GJA8: variants seen among roughly 807,000 people sequenced by gnomAD.
The protein encoded by GJA8 is gap junction protein alpha 8, also known as gap junction alpha-8 protein.
In GJA8, 13 loss-of-function variants were observed where a neutral mutation model predicts 15.3. That is an observed-to-expected ratio of 0.85 (90% CI 0.55 to 1.35). The LOEUF (loss-of-function observed/expected upper bound fraction) is 1.35. Ranked by LOEUF, GJA8 falls within the 40% of genes most tolerant of loss-of-function variation. The pLI is 0.00. For synonymous variants in GJA8, 304 were observed against 238.7 expected (o/e 1.27, Z -2.52); for missense variants, 607 against 553.3 (o/e 1.10, Z -0.97).
At chr1:147,907,610 GGT>G (rs1374681746) in intron 1 of GJA8, among the ~76,000 whole-genome samples, 3 of 152,058 alleles carry the variant, frequency 2.0e-5, no homozygotes, top group African/African-American at 7.2e-5. Context: ...TTCTATTTAT[GGT>G]CAACAATGAA....
chr1:147,902,951 A>G (rs1054258552), intron 1 of GJA8, among the ~76,000 whole-genome samples, 90 bp downstream of exon 1: 4 of 152,180 alleles, frequency 2.6e-5, no homozygotes, highest in Non-Finnish European at 5.9e-5. Flanking sequence ...AGGCTTCTCC[A>G]AAAGGAAAAA....
In GJA8 at chr1:147,908,922, T is replaced by A; in HGVS notation, c.967T>A (p.Tyr323Asn). Residue 323 changes from tyrosine (Y) to asparagine (N), a missense_variant, in exon 2 of 2, where the codon TAC becomes AAC. Physicochemically the swap from Tyr to Asn is moderately radical, Grantham distance 143 (BLOSUM62 -2). Transcript: ENST00000369235. ...SRGYQETLPS[Y>N]AQVGAQEVEG... Reference sequence around the variant, plus strand: ...GGGCTACCAAGAGACACTGCCTTCCTACGCTCAGGTGGGGGCACAAGAAGT... The same window carrying A: ...GGGCTACCAAGAGACACTGCCTTCCAACGCTCAGGTGGGGGCACAAGAAGT... 6.2e-7 allele frequency: 1 copy of A among 1,612,310 alleles called. No individual in the cohort carries two copies.
chr1:147,914,349 T>C, the GJA8 span, among the ~76,000 whole-genome samples: 2 of 152,194 alleles, frequency 1.3e-5, no homozygotes, highest in African/African-American at 4.8e-5. Flanking sequence ...ACAAACTTCC[T>C]GGGGAAATCT....
chr1:147,906,488 A>G (rs1435342202), intron 1 of GJA8, among the ~76,000 whole-genome samples: 2 of 152,052 alleles, frequency 1.3e-5, no homozygotes, highest in African/African-American at 4.8e-5. Context: ...CAAATTTTTG[A>G]CTCTATTAAA....
At position 147,908,218 on chromosome 1, in the gene GJA8, C is replaced by G. The variant is rs782199122; in HGVS notation, c.263C>G (p.Pro88Arg). Reference protein sequence around the residue: ...WVLQIIFVSTPSLMYVGHAVH... With the variant: ...WVLQIIFVSTRSLMYVGHAVH... ...CTGCAGATCATCTTCGTCTCCACCC[C>G]GTCCCTGATGTACGTGGGGCACGCG... The change falls in exon 2 of 2, where the codon CCG becomes CGG. Residue 88 changes from proline to arginine, a missense_variant. By Grantham distance (103) the Pro-to-Arg change is moderately radical. Coordinates refer to ENST00000369235, the MANE Select transcript of GJA8 (RefSeq NM_005267.5). 1.2e-6 allele frequency: 2 copies of G among 1,614,208 alleles called. No individual in the cohort carries two copies. The highest frequency in any genetic ancestry group is 1.7e-5 in the Admixed American group (1 of 60,030).
chr1:147,906,212 A>G (rs1651790423), intron 1 of GJA8, among the ~76,000 whole-genome samples: 1 of 152,270 alleles, frequency 6.6e-6, no homozygotes, highest in African/African-American at 2.4e-5. Flanking sequence ...AGAAGCCCAG[A>G]GCAAGATCCT....
chr1:147,908,375 G>T lies in GJA8; in HGVS notation c.420G>T (p.Lys140Asn). Reference protein sequence around the residue: ...KKSSGSKGTKKFRLEGTLLRT... With the variant: ...KKSSGSKGTKNFRLEGTLLRT... ...GCAGCGGCAGCAAAGGCACTAAGAA[G>T]TTCCGGCTGGAGGGGACCCTGCTGA... The change falls in exon 2 of 2, where the codon AAG becomes AAT. Residue 140 changes from lysine to asparagine, a missense_variant. By Grantham distance (94) the Lys-to-Asn change is moderately conservative (BLOSUM62 0). Coordinates refer to ENST00000369235, the MANE Select transcript of GJA8 (RefSeq NM_005267.5). 6.2e-7 allele frequency: 1 copy of T among 1,614,206 alleles called. No individual in the cohort carries two copies. The highest frequency in any genetic ancestry group is 8.5e-7 in the Non-Finnish European group (1 of 1,180,044).
chr1:147,910,158 C>G (rs1553243297), downstream of GJA8, among the ~76,000 whole-genome samples: 2 of 152,170 alleles, frequency 1.3e-5, no homozygotes, highest in Admixed American at 6.5e-5. Context: ...CCGTGCCTGG[C>G]CCATGAAATC....
chr1:147,908,120 C>T lies in GJA8; in HGVS notation c.165C>T (p.Asn55=). 1 of 1,614,252 alleles carries T rather than the reference C, an allele frequency of 6.2e-7. No homozygotes were observed. ...WGDEQSDFVC[N]TQQPGCENVC... is the part of the protein sequence containing the mutation. ...ATGAGCAATCCGACTTCGTGTGCAA[C>T]ACCCAGCAGCCTGGCTGCGAGAACG... The change falls in exon 2 of 2, where the codon AAC becomes AAT. Residue 55 remains asparagine (N), a synonymous_variant. Transcript: ENST00000369235.
intron 1 of GJA8, among the ~76,000 whole-genome samples, chr1:147,904,498 C>T (rs1467434878): frequency 6.6e-6 from 1 of 152,066 alleles, no homozygotes; most frequent in East Asian, 1.9e-4. Flanking sequence ...ATATGGACAC[C>T]CTGGGGTTGG....
At chr1:147,909,365 C>T (rs1380193398), downstream of GJA8, 2 of 872,338 alleles carry the variant, frequency 2.3e-6, no homozygotes, top group Admixed American at 4.2e-5. Context: ...TCCCACCAGC[C>T]TCTGGTTGGA....
chr1:147,902,931 G>A (rs1251216263), intron 1 of GJA8, among the ~76,000 whole-genome samples, 70 bp downstream of exon 1: 1 of 152,088 alleles, frequency 6.6e-6, no homozygotes, highest in African/African-American at 2.4e-5. Flanking sequence ...CTAATCTAAG[G>A]GCCATATATA....
chr1:147,912,895 TAA>T (rs782718322), downstream of GJA8, among the ~76,000 whole-genome samples: 3,232 of 118,904 alleles, frequency 0.027, 104 homozygotes, highest in African/African-American at 0.09. Flanking sequence ...GGGCATTATT[TAA>T]AAAAAAAAAA....
rs782505421 is a variant in GJA8, at chr1:147,909,000, A to G, written c.1045A>G (p.Lys349Glu). The G allele has an allele frequency of 2.1e-5, 34 of 1,593,812 alleles. No individual in the cohort carries two copies. In the Admixed American group the frequency reaches 2.7e-4, roughly 13 times the overall value. ...GGGAGCCGAACCCGAGGTGGGAGAG[A>G]AGAAGGAGGAAGCAGAGAGGCTGAC... The part of the protein sequence containing the change: ...EEGAEPEVGE[K>E]KEEAERLTTE... The change falls in exon 2 of 2, where the codon AAG becomes GAG. Residue 349 changes from lysine (K) to glutamate (E), a missense_variant. Transcript: ENST00000369235.
Position 147,908,528 on chromosome 1 carries a change from G to A in GJA8, c.573G>A (p.Val191=). 6.2e-7 allele frequency: 1 copy of A among 1,614,156 alleles called. No individual in the cohort carries two copies. The highest frequency in any genetic ancestry group is 8.5e-7 in the Non-Finnish European group (1 of 1,180,026). The change falls in exon 2 of 2, where the codon GTG becomes GTA. Residue 191 remains valine (V), a synonymous_variant. Transcript: ENST00000369235. ...GCAGCCGGTGGCCCTGCCCCAATGT[G>A]GTGGACTGCTTCGTGTCCCGGCCCA... ...YRCSRWPCPN[V]VDCFVSRPTE... is the part of the protein sequence containing the mutation.
intron 1 of GJA8, among the ~76,000 whole-genome samples, chr1:147,903,243 T>C (rs1553241858): frequency 6.6e-6 from 1 of 152,188 alleles, no homozygotes; most frequent in Non-Finnish European, 1.5e-5. Context: ...ATAGAAATAA[T>C]AGTCATAATT....
chr1:147,908,658 G>A lies in GJA8; in HGVS notation c.703G>A (p.Ala235Thr), dbSNP rs1553242796. ...CCTGGGCCTGAAGGGGATCCGGTCT[G>A]CCTTGAAGAGGCCTGTAGAGCAGCC... Reference protein sequence around the residue: ...GHLGLKGIRSALKRPVEQPLG... With the variant: ...GHLGLKGIRSTLKRPVEQPLG... Residue 235 changes from alanine to threonine, a missense_variant, in exon 2 of 2, where the codon GCC becomes ACC. Transcript: ENST00000369235. The A allele has an allele frequency of 6.2e-7, 1 of 1,614,156 alleles. No homozygotes were observed. The highest frequency in any genetic ancestry group is 8.5e-7 in the Non-Finnish European group (1 of 1,180,018).
At chr1:147,904,122 AG>A (rs1310604027) in intron 1 of GJA8, among the ~76,000 whole-genome samples, 2 of 151,944 alleles carry the variant, frequency 1.3e-5, no homozygotes, top group East Asian at 3.9e-4. Context: ...TAGTAGAGAT[AG>A]GGTTTCACCC....
chr1:147,906,144 T>C lies in GJA8; in HGVS notation c.-11-1801T>C, dbSNP rs587626313. Among the ~76,000 whole-genome samples, 32 of 152,322 alleles carry C rather than the reference T, an allele frequency of 2.1e-4. No homozygotes were observed. The South Asian group carries it at 6.6e-3, about 32-fold the overall frequency. On this transcript the variant is annotated intron_variant, in intron 1 of 1. Transcript: ENST00000369235. ...AAATATCACTGTGATTAAAAAACAA[T>C]AGGCATATCCCTTTAGCCCCATAGG... is the stretch of plus-strand genomic sequence containing the variant.
Sources: allele counts gnomAD v4.1 joint callset (sites outside exome capture counted in the v4.1 genomes callset), GRCh38; gene constraint gnomAD v4.1.1; transcripts MANE v1.5; gene names NCBI Gene and HGNC (gene_info 2026-07-23, HGNC 2026-07-21).